RIOK3: variants seen among roughly 807,000 people sequenced by gnomAD.
The protein encoded by RIOK3 is serine/threonine-protein kinase RIO3.
RIOK3 carries 40 observed loss-of-function variants against 63.5 expected under a neutral mutation model. The observed-to-expected ratio is 0.63, with a 90% CI of 0.49 to 0.82. The LOEUF is 0.82. RIOK3 is among the 40% of genes least tolerant of loss of function. RIOK3 has a pLI of 0.00. For synonymous variants in RIOK3, 193 were observed against 205.0 expected (o/e 0.94, Z 0.50); for missense variants, 557 against 637.0 (o/e 0.87, Z 1.35).
In RIOK3 at chr18:23,479,314, T is replaced by G; in HGVS notation, c.1345-3T>G. 1 of 1,580,338 alleles carries G rather than the reference T, an allele frequency of 6.3e-7. No homozygotes were observed. The highest frequency in any genetic ancestry group is 2.2e-5 in the East Asian group (1 of 44,696). On this transcript the variant is annotated splice_polypyrimidine_tract_variant and splice_region_variant and intron_variant, in intron 11 of 12. Transcript: ENST00000339486. ...TACTGACTTTCTTGTATTTCCTTACTAGTTTTTCCAGAAAGGAGGAGTCAA... is the reference window on the plus strand; with the variant it reads ...TACTGACTTTCTTGTATTTCCTTACGAGTTTTTCCAGAAAGGAGGAGTCAA...
intron 11 of RIOK3, among the ~76,000 whole-genome samples, chr18:23,478,454 T>C (rs1460590842): frequency 6.6e-6 from 1 of 151,938 alleles, no homozygotes; most frequent in East Asian, 1.9e-4. Context: ...TCTGTAGTCC[T>C]AGCTGCTTTA....
chr18:23,458,544 A>G (rs1568379771), intron 1 of RIOK3, among the ~76,000 whole-genome samples: 1 of 152,240 alleles, frequency 6.6e-6, no homozygotes, highest in Non-Finnish European at 1.5e-5. Context: ...GGGGTGTCCC[A>G]TCAGATTGTG....
At chr18:23,473,825 T>C (rs2057472277) in intron 8 of RIOK3, among the ~76,000 whole-genome samples, 199 bp downstream of exon 8, 3 of 152,252 alleles carry the variant, frequency 2.0e-5, no homozygotes, top group Admixed American at 2.0e-4. Context: ...CTGGGCATTT[T>C]CTGCCTTAGA....
At chr18:23,455,150 C>T (rs2057330500) in intron 1 of RIOK3, among the ~76,000 whole-genome samples, 1 of 152,030 alleles carries the variant, frequency 6.6e-6, no homozygotes, top group Admixed American at 6.6e-5. Flanking sequence ...CAGCTCACTG[C>T]GACCTCTGCC....
chr18:23,464,374 C>T, intron 4 of RIOK3, 61 bp downstream of exon 4: 1 of 1,267,576 alleles, frequency 7.9e-7, no homozygotes, highest in South Asian at 1.3e-5. Context: ...CTAATCTTTT[C>T]AATGAACTCT....
At chr18:23,479,280 A>C (rs755052614) in intron 11 of RIOK3, 37 bp from the exon 12 acceptor site, 2 of 1,325,940 alleles carry the variant, frequency 1.5e-6, no homozygotes, top group South Asian at 2.4e-5. Context: ...GAACATTGCT[A>C]ATACTTCTTA....
rs986994804 is a variant in RIOK3, at chr18:23,474,796, A to G, written c.1014-152A>G. On this transcript the variant is annotated intron_variant, in intron 8 of 12. Coordinates refer to ENST00000339486, the MANE Select transcript of RIOK3 (RefSeq NM_003831.5). ...ATCAGTCCCTGAGCTCTCTATGGGC[A>G]GAGGCTGTGTTTTACTGTCTTTGTA... is the stretch of plus-strand genomic sequence containing the variant. 5.5e-5 allele frequency: 33 copies of G among 598,122 alleles called. No homozygotes were observed. In the Middle Eastern group the frequency reaches 2.3e-3, roughly 41 times the overall value. 37.1% of individuals were successfully genotyped at this position (598,122 alleles called of 1,614,324 possible). A position where few individuals can be genotyped will look rare whatever the true frequency, so the allele number is the denominator to read the frequency against.
intron 7 of RIOK3, among the ~76,000 whole-genome samples, chr18:23,468,583 G>A (rs1432200518): frequency 1.3e-5 from 2 of 152,042 alleles, no homozygotes; most frequent in African/African-American, 4.8e-5. Context: ...GATTACAGGC[G>A]TGAGCCACTG....
chr18:23,457,140 C>T (rs1231028036), intron 1 of RIOK3, among the ~76,000 whole-genome samples: 1 of 151,730 alleles, frequency 6.6e-6, no homozygotes, highest in Non-Finnish European at 1.5e-5. Flanking sequence ...CTTCATAGAC[C>T]CTCTGAATGG....
intron 11 of RIOK3, 147 bp downstream of exon 11, chr18:23,477,415 A>G (rs1200935076): frequency 1.8e-5 from 12 of 663,186 alleles, no homozygotes; most frequent in Non-Finnish European, 2.9e-5. Flanking sequence ...ATAAAGATCA[A>G]TTTGTCATAT....
chr18:23,471,925 A>C (rs1162123616), intron 7 of RIOK3, among the ~76,000 whole-genome samples: 1 of 152,156 alleles, frequency 6.6e-6, no homozygotes, highest in African/African-American at 2.4e-5. Context: ...GAAAGTCAGG[A>C]CTGGGATAGA....
Position 23,464,320 on chromosome 18 carries a change from A to G in RIOK3, c.433+7A>G. 1 of 1,597,200 alleles carries G rather than the reference A, an allele frequency of 6.3e-7. No homozygotes were observed. Among genetic ancestry groups the G allele is most frequent in the Non-Finnish European group, 8.6e-7 (1 of 1,167,570 alleles). Reference sequence around the variant, plus strand: ...GATGATCCCTACAGACCAGGTACCAAAGTTTTTACTTTCTGGGGGCAGCAG... The same window carrying G: ...GATGATCCCTACAGACCAGGTACCAGAGTTTTTACTTTCTGGGGGCAGCAG... On this transcript the variant is annotated splice_region_variant and intron_variant, in intron 4 of 12. Coordinates refer to ENST00000339486, the MANE Select transcript of RIOK3 (RefSeq NM_003831.5).
rs532503126 is a variant in RIOK3, at chr18:23,480,279, G to C, written c.1452+855G>C. Among the ~76,000 whole-genome samples, 23 of 152,288 alleles carry C rather than the reference G, an allele frequency of 1.5e-4. No individual in the cohort carries two copies. In the South Asian group the frequency reaches 4.8e-3, roughly 32 times the overall value. On this transcript the variant is annotated intron_variant, in intron 12 of 12. Coordinates refer to ENST00000339486, the MANE Select transcript of RIOK3 (RefSeq NM_003831.5). ...GAAATCCCCAGGATGACTTGAGTTT[G>C]GGTAAGCTGGGCCTAGCCTAAGGCT...
intron 5 of RIOK3, among the ~76,000 whole-genome samples, chr18:23,465,445 A>G (rs1370230791): frequency 6.6e-6 from 1 of 152,112 alleles, no homozygotes. Flanking sequence ...TTAAACATTT[A>G]GATTTTAAAG....
At chr18:23,481,056 G>A (rs1361483178) in intron 12 of RIOK3, 116 bp from the exon 13 acceptor site, 3 of 696,354 alleles carry the variant, frequency 4.3e-6, no homozygotes, top group Non-Finnish European at 7.4e-6. Context: ...CTCCAGCCTG[G>A]ACGACAGAGT....
chr18:23,469,304 C>CCTCTCTCTCTCTCTCTCTCTCTCTCT (rs376929343), intron 7 of RIOK3, among the ~76,000 whole-genome samples: 2 of 19,408 alleles, frequency 1.0e-4, no homozygotes, highest in African/African-American at 1.8e-4. Context: ...TTTCTTTCTT[C>CCTCTCTCTCTCTCTCTCTCTCTCTCT]CTCTCTCTCT....
chr18:23,470,249 C>T (rs550081544), intron 7 of RIOK3, among the ~76,000 whole-genome samples: 3 of 151,856 alleles, frequency 2.0e-5, no homozygotes, highest in Non-Finnish European at 4.4e-5. Flanking sequence ...ATCTGTACTC[C>T]CAGCTACTTG....
Position 23,481,171 on chromosome 18 carries a change from G to A in RIOK3, c.1453-1G>A. On this transcript the variant is annotated splice_acceptor_variant, in intron 12 of 12. Coordinates refer to ENST00000339486, the MANE Select transcript of RIOK3 (RefSeq NM_003831.5). LOFTEE classifies it high-confidence loss of function. ...ATGGATTCAATGTATTATTTTTGTA[G>A]ATAGAAGCTTTGGAGAAAATGAATG... The A allele has an allele frequency of 6.3e-7, 1 of 1,589,928 alleles. No individual in the cohort carries two copies. The highest frequency in any genetic ancestry group is 8.6e-7 in the Non-Finnish European group (1 of 1,158,568).
intron 1 of RIOK3, 30 bp downstream of exon 1, chr18:23,453,532 C>G: frequency 6.4e-7 from 1 of 1,559,370 alleles, no homozygotes; most frequent in Non-Finnish European, 8.8e-7. Context: ...GGAGTACTAG[C>G]CTTGGTCACA....
Sources: gnomAD v4.1 joint callset for allele counts (sites outside exome capture counted in the v4.1 genomes callset) on GRCh38, gnomAD v4.1.1 for gene constraint, MANE v1.5 for transcripts, NCBI Gene and HGNC (gene_info 2026-07-23, HGNC 2026-07-21) for gene names.